The following TRAPPC9 variants were observed in gnomAD, a reference collection of about 807,000 sequenced individuals.
TRAPPC9 encodes IKK2 binding protein.
In TRAPPC9, 83 loss-of-function variants were observed where a neutral mutation model predicts 124.0. That is an observed-to-expected ratio of 0.67 (90% confidence interval 0.56 to 0.80). The LOEUF (loss-of-function observed/expected upper bound fraction) is 0.80, where lower values mean the gene tolerates loss of function less well. Ranked by LOEUF, TRAPPC9 falls within the 30% of genes least tolerant of loss-of-function variation. TRAPPC9 has a pLI of 0.00. For missense variants in TRAPPC9, 1,302 were observed against 1,508.3 expected (o/e 0.86, Z 2.27); for synonymous variants, 638 against 617.5 (o/e 1.03, Z -0.49).
chr8:140,192,172 T>C (rs775145989), intron 17 of TRAPPC9, among the ~76,000 whole-genome samples: 3 of 152,208 alleles, frequency 2.0e-5, no homozygotes, highest in South Asian at 2.1e-4. Context: ...TCCCTGAACA[T>C]CTATAATTTG....
At chr8:139,955,451 C>T (rs1004116301) in intron 19 of TRAPPC9, among the ~76,000 whole-genome samples, 8 of 152,022 alleles carry the variant, frequency 5.3e-5, no homozygotes, top group African/African-American at 7.2e-5. Context: ...CAAGCGCCCA[C>T]GTTCAGCATC....
At chr8:140,145,167 C>G (rs1320851386) in intron 17 of TRAPPC9, among the ~76,000 whole-genome samples, 1 of 152,122 alleles carries the variant, frequency 6.6e-6, no homozygotes, top group Non-Finnish European at 1.5e-5. Context: ...TAAGCCACTG[C>G]GCCCAGCCTC....
At chr8:139,751,291 C>T (rs1051521312) in intron 21 of TRAPPC9, among the ~76,000 whole-genome samples, 2 of 152,164 alleles carry the variant, frequency 1.3e-5, no homozygotes, top group African/African-American at 4.8e-5. Flanking sequence ...TTTCAGGGGT[C>T]CAGAGGCTGG....
chr8:140,410,324 C>T (rs2069659319), intron 5 of TRAPPC9, among the ~76,000 whole-genome samples: 1 of 151,752 alleles, frequency 6.6e-6, no homozygotes, highest in African/African-American at 2.4e-5. Context: ...TCGCCTGAGG[C>T]CAGGAGTTCA....
chr8:139,820,410 AC>A, intron 21 of TRAPPC9, among the ~76,000 whole-genome samples: 1 of 152,228 alleles, frequency 6.6e-6, no homozygotes, highest in African/African-American at 2.4e-5. Context: ...CGAACTCCTG[AC>A]CTCAAGTATC....
chr8:140,160,173 T>C (rs947354924), intron 17 of TRAPPC9, among the ~76,000 whole-genome samples: 1 of 152,132 alleles, frequency 6.6e-6, no homozygotes, highest in African/African-American at 2.4e-5. Context: ...TGTGGAGAAA[T>C]AGGAACGCTT....
intron 17 of TRAPPC9, among the ~76,000 whole-genome samples, chr8:140,065,774 C>T (rs1842868882): frequency 6.6e-6 from 1 of 152,184 alleles, no homozygotes; most frequent in South Asian, 2.1e-4. Flanking sequence ...CACCACGTCA[C>T]GTAAGACAGC....
intron 4 of TRAPPC9, among the ~76,000 whole-genome samples, chr8:140,432,984 TACAA>T (rs1368385759): frequency 6.6e-6 from 1 of 151,976 alleles, no homozygotes; most frequent in Non-Finnish European, 1.5e-5. Flanking sequence ...TTTGTTGAAA[TACAA>T]ACACATTTAT....
chr8:140,045,559 G>A (rs758748102), intron 17 of TRAPPC9, among the ~76,000 whole-genome samples: 22 of 147,120 alleles, frequency 1.5e-4, no homozygotes, highest in Non-Finnish European at 2.7e-4. Context: ...TCTGGGAGGC[G>A]GAGGTTGTAG....
chr8:140,352,293 C>A (rs1411756899), intron 9 of TRAPPC9, among the ~76,000 whole-genome samples: 1 of 152,196 alleles, frequency 6.6e-6, no homozygotes, highest in Non-Finnish European at 1.5e-5. Flanking sequence ...TCAAAAACTT[C>A]TTTTATTTTA....
At chr8:139,922,082 G>A (rs13261649) in intron 19 of TRAPPC9, among the ~76,000 whole-genome samples, 23,120 of 152,080 alleles carry the variant, frequency 0.15, 2,005 homozygotes, top group South Asian at 0.24. Context: ...AGTAAAGAAC[G>A]TTAACTATAG....
rs529113608 is a variant in TRAPPC9, at chr8:139,810,630, G to A, written c.3055+75249C>T. On this transcript the variant is annotated intron_variant, in intron 21 of 22. Transcript: ENST00000438773. ...CAGGACCTCGGTGGACGGTGCAGAA[G>A]TTCTATTCTTGGTAGGACTTGGGCC... is the stretch of plus-strand genomic sequence containing the variant. Among the ~76,000 whole-genome samples, 13 of 152,208 alleles carry A rather than the reference G, an allele frequency of 8.5e-5. No homozygotes were observed. In the South Asian group the frequency reaches 2.5e-3, roughly 29 times the overall value.
chr8:140,260,417 C>A (rs1002706882), intron 15 of TRAPPC9, among the ~76,000 whole-genome samples: 3 of 152,168 alleles, frequency 2.0e-5, no homozygotes, highest in Non-Finnish European at 2.9e-5. Context: ...CTGTTGAAGT[C>A]CCCAGACTCA....
chr8:139,987,218 G>A (rs965936219), intron 19 of TRAPPC9, among the ~76,000 whole-genome samples: 3 of 152,200 alleles, frequency 2.0e-5, no homozygotes, highest in African/African-American at 7.2e-5. Context: ...CGTTGTATAG[G>A]TCTTCTTGTG....
intron 19 of TRAPPC9, among the ~76,000 whole-genome samples, chr8:139,917,880 C>T (rs76323144): frequency 3.9e-5 from 6 of 152,150 alleles, no homozygotes; most frequent in African/African-American, 4.8e-5. Flanking sequence ...TAATACTGCT[C>T]GTTGTTAACA....
intron 5 of TRAPPC9, among the ~76,000 whole-genome samples, chr8:140,423,718 A>G (rs368501591): frequency 1.2e-5 from 1 of 83,800 alleles, no homozygotes; most frequent in Non-Finnish European, 3.3e-5. Context: ...ATATATACAT[A>G]TATACACATA....
At chr8:139,745,709 C>CA (rs1818841181) in intron 21 of TRAPPC9, among the ~76,000 whole-genome samples, 1 of 152,242 alleles carries the variant, frequency 6.6e-6, no homozygotes, top group Non-Finnish European at 1.5e-5. Context: ...CAGAGCAGGA[C>CA]AGGGAGGCAA....
intron 2 of TRAPPC9, among the ~76,000 whole-genome samples, chr8:140,445,266 A>G (rs952871198): frequency 2.0e-5 from 3 of 152,158 alleles, no homozygotes; most frequent in Admixed American, 1.3e-4. Flanking sequence ...AGTATATCAC[A>G]GCTTCGTGCC....
At chr8:140,012,875 G>A (rs1839224137) in intron 18 of TRAPPC9, among the ~76,000 whole-genome samples, 1 of 152,214 alleles carries the variant, frequency 6.6e-6, no homozygotes, top group Admixed American at 6.5e-5. Flanking sequence ...GTCACCGTAA[G>A]TTCTGAAAAG....
Sources: allele counts gnomAD v4.1 joint callset (sites outside exome capture counted in the v4.1 genomes callset), GRCh38; gene constraint gnomAD v4.1.1; transcripts MANE v1.5; gene names NCBI Gene and HGNC (gene_info 2026-07-23, HGNC 2026-07-21).